PWWP3A: variants seen among roughly 807,000 people sequenced by gnomAD.
PWWP3A encodes PWWP domain containing 3A, DNA repair factor.
A neutral mutation model predicts 79.0 loss-of-function variants in PWWP3A; 53 were observed. The ratio of observed to expected loss-of-function variants is 0.67; its 90% CI spans 0.54 to 0.84. The LOEUF (loss-of-function observed/expected upper bound fraction) is 0.84, where lower values mean the gene tolerates loss of function less well. Ranked by LOEUF, PWWP3A falls within the 40% of genes least tolerant of loss-of-function variation. The pLI, the probability that PWWP3A is intolerant of heterozygous loss-of-function variation, is 0.00. For synonymous variants in PWWP3A, 443 were observed against 394.4 expected (o/e 1.12, Z -1.46); for missense variants, 973 against 948.0 (o/e 1.03, Z -0.35).
chr19:1,376,632 G>GC lies in PWWP3A; in HGVS notation c.*57dup. 1 of 1,574,676 alleles carries GC rather than the reference G, an allele frequency of 6.4e-7. No individual in the cohort carries two copies. The highest frequency in any genetic ancestry group is 8.7e-7 in the Non-Finnish European group (1 of 1,148,700). ...CTGGCGGTGGAAGCGCCTCCAGTGT[G>GC]CATGAGCGTGTCTGAAGATGGGGGG... On this transcript the variant is annotated 3_prime_UTR_variant, in exon 14 of 14. Transcript: ENST00000591337.
At chr19:1,370,398 C>T (rs912245425) in intron 11 of PWWP3A, among the ~76,000 whole-genome samples, 2 of 152,138 alleles carry the variant, frequency 1.3e-5, no homozygotes, top group Non-Finnish European at 2.9e-5. Context: ...CACGGGCAGG[C>T]GCTTTTCTCT....
intron 13 of PWWP3A, among the ~76,000 whole-genome samples, chr19:1,375,059 A>T (rs1016958275): frequency 8.5e-5 from 11 of 129,296 alleles, no homozygotes; most frequent in East Asian, 2.0e-4. Flanking sequence ...TCTCTACTTT[A>T]AAAAAAAAAA....
At chr19:1,376,320 T>G (rs572397710) in intron 13 of PWWP3A, among the ~76,000 whole-genome samples, 199 bp from the exon 14 acceptor site, 1 of 137,020 alleles carries the variant, frequency 7.3e-6, no homozygotes, top group Non-Finnish European at 1.6e-5. Context: ...TGTTTTTTTT[T>G]TTTTTTGGTA....
chr19:1,362,188 C>T, intron 5 of PWWP3A, 62 bp from the exon 6 acceptor site: 1 of 1,418,344 alleles, frequency 7.1e-7, no homozygotes, highest in Non-Finnish European at 9.8e-7. Flanking sequence ...GAAATGTTTT[C>T]TTGGGATGAG....
intron 5 of PWWP3A, among the ~76,000 whole-genome samples, chr19:1,361,624 G>A (rs985042168): frequency 4.6e-5 from 7 of 152,130 alleles, no homozygotes; most frequent in African/African-American, 1.4e-4. Flanking sequence ...AACTTACCGC[G>A]CAGATATTTC....
In PWWP3A at chr19:1,377,493, C is replaced by G. The variant is rs1401150431; in HGVS notation, c.*917C>G. Reference sequence around the variant, plus strand: ...AGAAGCGCAGCCTTTGTATGGAGGCCCAACCGCGCTCCCGTCTGGAGAAGC... The same window carrying G: ...AGAAGCGCAGCCTTTGTATGGAGGCGCAACCGCGCTCCCGTCTGGAGAAGC... On this transcript the variant is annotated 3_prime_UTR_variant, in exon 14 of 14. Transcript: ENST00000591337. 1 of 152,390 alleles carries G rather than the reference C, an allele frequency of 6.6e-6. No homozygotes were observed. Among genetic ancestry groups the G allele is most frequent in the Non-Finnish European group, 1.5e-5 (1 of 68,198 alleles). The allele number at this position is 152,390 out of a possible 1,614,324, so 9.4% of individuals were successfully genotyped here.
intron 13 of PWWP3A, among the ~76,000 whole-genome samples, chr19:1,375,923 ACT>A (rs1326649017): frequency 6.7e-6 from 1 of 148,738 alleles, no homozygotes; most frequent in African/African-American, 2.5e-5. Flanking sequence ...GATTCTTCTG[ACT>A]CAGCCTCCCG....
Position 1,370,799 on chromosome 19 carries a change from C to T in PWWP3A, c.1707C>T (p.Asp569=), listed in dbSNP as rs2082239264. 3 of 1,560,222 alleles carry T rather than the reference C, an allele frequency of 1.9e-6. No homozygotes were observed. The highest frequency in any genetic ancestry group is 2.6e-6 in the Non-Finnish European group (3 of 1,151,330). The change falls in exon 12 of 14, where the codon GAC becomes GAT. Residue 569 remains aspartate, a synonymous_variant. Transcript: ENST00000591337. The part of the protein sequence containing the change: ...MLPDRSRAAR[D]RANQKLVEYI... ...CCGACCGCTCGCGGGCCGCCCGGGA[C>T]CGGGCCAACCAGAAGCTGGTGGAGT...
rs1478569091 is a variant in PWWP3A, at chr19:1,376,621, G to A, written c.*45G>A. 8.1e-6 allele frequency: 13 copies of A among 1,603,870 alleles called. No homozygotes were observed. The highest frequency in any genetic ancestry group is 1.1e-5 in the South Asian group (1 of 90,706). On this transcript the variant is annotated 3_prime_UTR_variant, in exon 14 of 14. Coordinates refer to ENST00000591337, the MANE Select transcript of PWWP3A (RefSeq NM_001369789.1). Reference sequence around the variant, plus strand: ...GTCAGCGGGGCCTGGCGGTGGAAGCGCCTCCAGTGTGCATGAGCGTGTCTG... The same window carrying A: ...GTCAGCGGGGCCTGGCGGTGGAAGCACCTCCAGTGTGCATGAGCGTGTCTG...
rs149238665 is a variant in PWWP3A, at chr19:1,370,926, G to A, written c.1834G>A (p.Val612Met). 7.9e-4 allele frequency: 1,233 copies of A among 1,556,202 alleles called. 1 individual carries two copies. The highest frequency in any genetic ancestry group is 2.7e-3 in the Middle Eastern group (16 of 5,984). ...GACCTTCCTGAGCTCCAGCCAGTAC[G>A]TGACCTGTGTGGAGACCTACCTGGA... The part of the protein sequence containing the change: ...LQTFLSSSQY[V>M]TCVETYLEDE... Residue 612 changes from valine to methionine, a missense_variant, in exon 12 of 14, where the codon GTG becomes ATG. Physicochemically the swap from Val to Met is conservative, Grantham distance 21. Transcript: ENST00000591337.
chr19:1,371,788 G>A (rs2082265684), intron 12 of PWWP3A, among the ~76,000 whole-genome samples: 1 of 148,838 alleles, frequency 6.7e-6, no homozygotes, highest in African/African-American at 2.5e-5. Flanking sequence ...ATTTTTTGGA[G>A]CATAAAAACC....
At chr19:1,364,242 G>A in intron 6 of PWWP3A, 1 of 621,020 alleles carries the variant, frequency 1.6e-6, no homozygotes, top group Non-Finnish European at 3.1e-6. Context: ...CCCATCCCAA[G>A]GGTGCGTTTG....
chr19:1,375,967 G>T (rs191515933), intron 13 of PWWP3A, among the ~76,000 whole-genome samples: 11 of 150,596 alleles, frequency 7.3e-5, no homozygotes, highest in Non-Finnish European at 1.6e-4. Context: ...CCACTACCAC[G>T]CCTGGCTAAT....
At chr19:1,362,434 A>C (rs183160258) in intron 6 of PWWP3A, 83 bp downstream of exon 6, 13 of 1,050,442 alleles carry the variant, frequency 1.2e-5, no homozygotes, top group Non-Finnish European at 1.8e-5. Context: ...CGGGCCCCAC[A>C]TTCTCCATGA....
chr19:1,362,205 A>G (rs1176107911), intron 5 of PWWP3A, 45 bp from the exon 6 acceptor site: 1 of 1,531,968 alleles, frequency 6.5e-7, no homozygotes, highest in African/African-American at 1.4e-5. Flanking sequence ...TGAGTCATCA[A>G]GACAATGCAA....
At chr19:1,372,402 T>C (rs1035940468) in intron 12 of PWWP3A, 2 of 151,952 alleles carry the variant, frequency 1.3e-5, no homozygotes, top group African/African-American at 2.4e-5. Flanking sequence ...AAGTAAAAAA[T>C]AGGGATGATT....
chr19:1,367,158 A>G lies in PWWP3A; in HGVS notation c.1362-2A>G, dbSNP rs906243918. On this transcript the variant is annotated splice_acceptor_variant, in intron 8 of 13. Coordinates refer to ENST00000591337, the MANE Select transcript of PWWP3A (RefSeq NM_001369789.1). LOFTEE classifies it high-confidence loss of function. ...TTAACTTTTCCCTCTCTCTGCTTCA[A>G]GTTTCACAGTGTCTCTTAAAAGTTT... 11 of 1,610,892 alleles carry G rather than the reference A, an allele frequency of 6.8e-6. No individual in the cohort carries two copies. The highest frequency in any genetic ancestry group is 5.4e-5 in the African/African-American group (4 of 74,742).
At position 1,366,416 on chromosome 19, in the gene PWWP3A, T is replaced by A. The variant is rs763050372; in HGVS notation, c.1361+35T>A. On this transcript the variant is annotated intron_variant, in intron 8 of 13. Transcript: ENST00000591337. ...TGTTCTTGGTTTCTGTGAATGGGCC[T>A]GAGGGGCCAGGCCGGCCGCTCTCAG... is the stretch of plus-strand genomic sequence containing the variant. 18 of 1,595,814 alleles carry A rather than the reference T, an allele frequency of 1.1e-5. 1 individual carries two copies. Among genetic ancestry groups the A allele is most frequent in the Middle Eastern group, 3.3e-4 (2 of 6,040 alleles).
intron 13 of PWWP3A, chr19:1,373,431 T>C: frequency 2.0e-6 from 1 of 496,100 alleles, no homozygotes; most frequent in Non-Finnish European, 3.6e-6. Context: ...GTTCTTAATC[T>C]CTTTTTGCAG....
Sources: allele counts gnomAD v4.1 joint callset (sites outside exome capture counted in the v4.1 genomes callset), GRCh38; gene constraint gnomAD v4.1.1; transcripts MANE v1.5; gene names NCBI Gene and HGNC (gene_info 2026-07-23, HGNC 2026-07-21).